SLC4A8: variants seen among roughly 807,000 people sequenced by gnomAD.
The protein encoded by SLC4A8 is electroneutral sodium bicarbonate exchanger 1.
SLC4A8 carries 40 observed loss-of-function variants against 125.0 expected under a neutral mutation model. That is an observed-to-expected ratio of 0.32 (90% CI 0.25 to 0.42). The LOEUF is 0.42. Among genes scored for constraint, SLC4A8 ranks in the 10% least tolerant of loss-of-function variants. The pLI is 1.00. For synonymous variants in SLC4A8, 456 were observed against 476.0 expected (o/e 0.96, Z 0.55); for missense variants, 863 against 1,355.1 (o/e 0.64, Z 5.70).
chr12:51,459,806 G>A, intron 7 of SLC4A8, 145 bp from the exon 8 acceptor site: 1 of 661,648 alleles, frequency 1.5e-6, no homozygotes. Flanking sequence ...TGGCAGCAGA[G>A]AGCTGTGAGC....
At position 51,425,142 on chromosome 12, in the gene SLC4A8, TC is replaced by T. The variant is rs3215167; in HGVS notation, c.48+110del. On this transcript the variant is annotated intron_variant, in intron 1 of 24. Coordinates refer to ENST00000453097, the MANE Select transcript of SLC4A8 (RefSeq NM_001039960.3). ...CCCGAGCCCAGGCTTCCCAGGCCGCTCCCTGAGGGCGAGGGGAGGCCAGCCC... is the reference window on the plus strand; with the variant it reads ...CCCGAGCCCAGGCTTCCCAGGCCGCTCCTGAGGGCGAGGGGAGGCCAGCCC... 1.3e-3 allele frequency: 1,913 copies of T among 1,461,312 alleles called. 33 individuals carry two copies. The East Asian group carries it at 0.04, about 31-fold the overall frequency. The allele number at this position is 1,461,312 out of a possible 1,614,324, so 90.5% of individuals were successfully genotyped here.
chr12:51,482,783 TAGAC>T (rs1565812214), intron 16 of SLC4A8, among the ~76,000 whole-genome samples: 4 of 152,306 alleles, frequency 2.6e-5, no homozygotes, highest in Admixed American at 6.5e-5. Context: ...AGCATCCAAA[TAGAC>T]AGAAACAACA....
intron 10 of SLC4A8, 56 bp from the exon 11 acceptor site, chr12:51,463,558 A>G (rs1950417382): frequency 4.4e-6 from 6 of 1,362,378 alleles, no homozygotes; most frequent in Non-Finnish European, 6.3e-6. Context: ...CCCTGCTGAT[A>G]GCAGGACGAA....
At chr12:51,458,804 A>G (rs1391449887) in intron 7 of SLC4A8, among the ~76,000 whole-genome samples, 154 bp downstream of exon 7, 1 of 152,202 alleles carries the variant, frequency 6.6e-6, no homozygotes, top group Non-Finnish European at 1.5e-5. Flanking sequence ...CCATCTCTGC[A>G]TGTCTTTTCC....
At chr12:51,470,370 T>A (rs763952687) in intron 12 of SLC4A8, 22 bp from the exon 13 acceptor site, 4 of 1,612,752 alleles carry the variant, frequency 2.5e-6, no homozygotes, top group Non-Finnish European at 3.4e-6. Flanking sequence ...ATGGACTCAG[T>A]GATGACTTTT....
At chr12:51,401,013 T>C (rs547061360) in intron 1 of SLC4A8, among the ~76,000 whole-genome samples, 1 of 151,332 alleles carries the variant, frequency 6.6e-6, no homozygotes, top group East Asian at 2.0e-4. Flanking sequence ...CTCGCTTCTT[T>C]AGGGCCCGGC....
chr12:51,435,091 T>G (rs1444953111), intron 1 of SLC4A8, among the ~76,000 whole-genome samples: 1 of 152,198 alleles, frequency 6.6e-6, no homozygotes, highest in Non-Finnish European at 1.5e-5. Context: ...TTTATTGTAC[T>G]TTCAGTAAAT....
chr12:51,482,973 A>G (rs1299018716), intron 16 of SLC4A8, among the ~76,000 whole-genome samples: 2 of 152,098 alleles, frequency 1.3e-5, no homozygotes, highest in Non-Finnish European at 2.9e-5. Context: ...CTTTGCACTT[A>G]TTTTTCTAGC....
Position 51,461,222 on chromosome 12 carries a change from G to C in SLC4A8, c.1032G>C (p.Leu344Phe). The C allele has an allele frequency of 6.2e-7, 1 of 1,609,466 alleles. No individual in the cohort carries two copies. Among genetic ancestry groups the C allele is most frequent in the Non-Finnish European group, 8.5e-7 (1 of 1,176,456 alleles). The part of the protein sequence containing the change: ...PIPTRFLFIL[L>F]GPVGKGQQYH... Reference sequence around the variant, plus strand: ...TTGCCAGATTTTTGTTTATCTTATTGGGTCCAGTAGGGAAAGGTCAGCAGT... The same window carrying C: ...TTGCCAGATTTTTGTTTATCTTATTCGGTCCAGTAGGGAAAGGTCAGCAGT... Residue 344 changes from leucine (L) to phenylalanine (F), a missense_variant, in exon 9 of 25, where the codon TTG (leucine) becomes TTC (phenylalanine). By Grantham distance (22) the Leu-to-Phe change is conservative. This residue lies in a region of SLC4A8 where 390 missense variants were observed against 634.4 expected (regional missense o/e 0.61). Transcript: ENST00000453097.
chr12:51,474,956 G>GGGAT, intron 15 of SLC4A8, 89 bp from the exon 16 acceptor site: 1 of 1,209,716 alleles, frequency 8.3e-7, no homozygotes, highest in Non-Finnish European at 1.2e-6. Flanking sequence ...CAACAACCAT[G>GGGAT]GGATGACAAT....
chr12:51,419,267 A>C (rs1270329423), intron 1 of SLC4A8, among the ~76,000 whole-genome samples: 1 of 152,244 alleles, frequency 6.6e-6, no homozygotes, highest in Non-Finnish European at 1.5e-5. Flanking sequence ...ATGAGATAGC[A>C]GTGATTACAA....
intron 1 of SLC4A8, among the ~76,000 whole-genome samples, chr12:51,435,317 G>A (rs1049731404): frequency 5.9e-5 from 9 of 152,096 alleles, no homozygotes; most frequent in African/African-American, 2.2e-4. Flanking sequence ...CTCCCATAAT[G>A]AGAAGCTTTT....
rs185756115 is a variant in SLC4A8, at chr12:51,397,760, T to G, written c.-112+6272T>G. Among the ~76,000 whole-genome samples, 277 of 152,238 alleles carry G rather than the reference T, an allele frequency of 1.8e-3. 1 individual carries two copies. Among genetic ancestry groups the G allele is most frequent in the African/African-American group, 6.6e-3 (273 of 41,558 alleles). ...ATCTTTAACATATCTGAAATTGGTA[T>G]GTATCTTAAATTGATGGTGTTATAA... On this transcript the variant is annotated intron_variant, in intron 1 of 24. Coordinates refer to the SLC4A8 transcript ENST00000358657.
chr12:51,434,820 T>C (rs377650949), intron 1 of SLC4A8, among the ~76,000 whole-genome samples: 26 of 152,308 alleles, frequency 1.7e-4, no homozygotes, highest in East Asian at 9.6e-4. Flanking sequence ...GGAGCCAACA[T>C]GAATAATTAT....
chr12:51,402,087 A>G (rs892103699), intron 1 of SLC4A8, among the ~76,000 whole-genome samples: 4 of 152,126 alleles, frequency 2.6e-5, no homozygotes, highest in Non-Finnish European at 4.4e-5. Flanking sequence ...CTTAACCACC[A>G]GGAGAAACAG....
chr12:51,489,901 A>G lies in SLC4A8; in HGVS notation c.2650A>G (p.Met884Val). ...GIREQRVTGLMIFVLMGCSVF... is the reference protein window; with the variant it reads ...GIREQRVTGLVIFVLMGCSVF... ...CCGAGAACAGAGAGTGACAGGCCTT[A>G]TGATCTTTGTGCTGATGGGCTGCTC... The change falls in exon 19 of 25, where the codon ATG becomes GTG. Residue 884 changes from methionine to valine, a missense_variant. Around this residue, in one of 6 missense-constraint regions of SLC4A8, gnomAD observed 197 missense variants for 377.7 expected, o/e 0.52. Coordinates refer to ENST00000453097, the MANE Select transcript of SLC4A8 (RefSeq NM_001039960.3). 2 of 1,614,202 alleles carry G rather than the reference A, an allele frequency of 1.2e-6. No homozygotes were observed. Among genetic ancestry groups the G allele is most frequent in the Non-Finnish European group, 1.7e-6 (2 of 1,180,030 alleles).
intron 1 of SLC4A8, among the ~76,000 whole-genome samples, chr12:51,429,260 A>G (rs1418993168): frequency 6.6e-6 from 1 of 152,224 alleles, no homozygotes; most frequent in African/African-American, 2.4e-5. Flanking sequence ...TGGCCCTGCC[A>G]GACCCAGGGC....
chr12:51,491,243 T>C (rs566555107), intron 19 of SLC4A8, among the ~76,000 whole-genome samples: 1 of 152,062 alleles, frequency 6.6e-6, no homozygotes, highest in African/African-American at 2.4e-5. Context: ...AATTTGGGTA[T>C]AAATTTGGGA....
At chr12:51,400,865 T>C (rs1948378148) in intron 1 of SLC4A8, among the ~76,000 whole-genome samples, 1 of 142,754 alleles carries the variant, frequency 7.0e-6, no homozygotes. Flanking sequence ...TATATAAACA[T>C]ATATATGTAT....
Sources: gnomAD v4.1 joint callset for allele counts (sites outside exome capture counted in the v4.1 genomes callset) on GRCh38, gnomAD v4.1.1 for gene constraint, gnomAD v4.1.1 regional missense constraint, MANE v1.5 for transcripts, NCBI Gene and HGNC (gene_info 2026-07-23, HGNC 2026-07-21) for gene names.